The following KCNIP4 variants were observed in gnomAD, a reference collection of about 807,000 sequenced individuals.
KCNIP4 encodes the protein Kv channel-interacting protein 4.
A neutral mutation model predicts 34.0 loss-of-function variants in KCNIP4; 12 were observed. The observed-to-expected ratio is 0.35, with a 90% CI of 0.23 to 0.57. The LOEUF is 0.57. Among genes scored for constraint, KCNIP4 ranks in the 20% least tolerant of loss-of-function variants. The pLI, the probability that KCNIP4 is intolerant of heterozygous loss-of-function variation, is 0.83. For synonymous variants in KCNIP4, 124 were observed against 102.2 expected, an observed-to-expected ratio of 1.21 and a Z score of -1.29; for missense variants, 238 against 311.7, an observed-to-expected ratio of 0.76 and a Z score of 1.78.
intron 1 of KCNIP4, among the ~76,000 whole-genome samples, chr4:21,396,258 A>T (rs1169875060): frequency 6.6e-6 from 1 of 151,924 alleles, no homozygotes; most frequent in African/African-American, 2.4e-5. Flanking sequence ...TCCCCTTCTT[A>T]AAAATGAGGA....
At chr4:21,044,615 C>T (rs1472454223) in intron 1 of KCNIP4, among the ~76,000 whole-genome samples, 4 of 152,146 alleles carry the variant, frequency 2.6e-5, no homozygotes, top group Non-Finnish European at 4.4e-5. Context: ...CAGCCCGTTT[C>T]CCCTGTTGAA....
chr4:21,286,932 A>G (rs1402102082), intron 1 of KCNIP4, among the ~76,000 whole-genome samples: 1 of 152,140 alleles, frequency 6.6e-6, no homozygotes, highest in Non-Finnish European at 1.5e-5. Context: ...AGAGGAGGCT[A>G]CAAGGAGACA....
chr4:21,908,074 G>T (rs1728098058), intron 1 of KCNIP4, among the ~76,000 whole-genome samples: 1 of 151,986 alleles, frequency 6.6e-6, no homozygotes, highest in South Asian at 2.1e-4. Flanking sequence ...GTCTCTGCCT[G>T]TAATAAAAAA....
At chr4:20,805,615 A>G (rs1402496738) in intron 3 of KCNIP4, among the ~76,000 whole-genome samples, 1 of 152,164 alleles carries the variant, frequency 6.6e-6, no homozygotes, top group Non-Finnish European at 1.5e-5. Flanking sequence ...CATCTGGCTT[A>G]TTGGAGAAAT....
In KCNIP4 at chr4:21,076,607, C is replaced by T. The variant is rs192531246; in HGVS notation, c.62-193898G>A. Among the ~76,000 whole-genome samples the T allele has an allele frequency of 2.6e-3, 391 of 152,238 alleles. 1 individual carries two copies. Among genetic ancestry groups the T allele is most frequent in the African/African-American group, 9.1e-3 (379 of 41,542 alleles). On this transcript the variant is annotated intron_variant, in intron 1 of 8. Coordinates refer to ENST00000382152, the MANE Select transcript of KCNIP4 (RefSeq NM_025221.6). Reference sequence around the variant, plus strand: ...CTTTCCTAGGTTCATTGTAACTCTTCAGTTCTATGACATTAAAGTACAGAG... The same window carrying T: ...CTTTCCTAGGTTCATTGTAACTCTTTAGTTCTATGACATTAAAGTACAGAG...
intron 3 of KCNIP4, chr4:20,850,250 T>C: frequency 5.0e-6 from 1 of 201,648 alleles, no homozygotes; most frequent in Admixed American, 5.6e-5. Context: ...GGAAGTTTAA[T>C]GAAATTATGT....
At chr4:21,354,961 G>A (rs1012902788) in intron 1 of KCNIP4, among the ~76,000 whole-genome samples, 1 of 152,208 alleles carries the variant, frequency 6.6e-6, no homozygotes, top group Non-Finnish European at 1.5e-5. Flanking sequence ...TCAGATTACA[G>A]TGCAATCAAA....
At chr4:21,929,127 A>T (rs1382031696) in intron 1 of KCNIP4, among the ~76,000 whole-genome samples, 1 of 152,164 alleles carries the variant, frequency 6.6e-6, no homozygotes, top group Non-Finnish European at 1.5e-5. Context: ...GTTTAAAAAC[A>T]TACACATAAA....
At chr4:21,277,007 T>A (rs1279671003) in intron 1 of KCNIP4, among the ~76,000 whole-genome samples, 1 of 152,186 alleles carries the variant, frequency 6.6e-6, no homozygotes, top group Non-Finnish European at 1.5e-5. Context: ...CTAAGCACGG[T>A]GTGAAGTCAA....
At chr4:21,528,550 C>G (rs1030970847) in intron 1 of KCNIP4, among the ~76,000 whole-genome samples, 4 of 151,330 alleles carry the variant, frequency 2.6e-5, no homozygotes, top group African/African-American at 9.7e-5. Flanking sequence ...GCCTATAGTC[C>G]CAGCTACTCA....
intron 1 of KCNIP4, among the ~76,000 whole-genome samples, chr4:21,770,624 A>C (rs923408843): frequency 6.6e-6 from 1 of 151,998 alleles, no homozygotes; most frequent in Non-Finnish European, 1.5e-5. Context: ...TCGTTTCCTG[A>C]CTTTTTAATT....
intron 1 of KCNIP4, among the ~76,000 whole-genome samples, chr4:21,234,493 AATATATATT>A (rs1759188280): frequency 2.4e-5 from 3 of 125,328 alleles, no homozygotes; most frequent in African/African-American, 1.1e-4. Flanking sequence ...TAACGTATAT[AATATATATT>A]ACATATAACG....
intron 1 of KCNIP4, among the ~76,000 whole-genome samples, chr4:21,519,757 A>ATGTGTATATATACACACGTGTG (rs1560481181): frequency 4.8e-5 from 6 of 123,990 alleles, no homozygotes; most frequent in African/African-American, 1.9e-4. Context: ...ACGTGTGTGT[A>ATGTGTATATATACACACGTGTG]TGTATGTGTG....
intron 1 of KCNIP4, among the ~76,000 whole-genome samples, chr4:21,886,560 G>T (rs114645360): frequency 1.1e-4 from 16 of 152,198 alleles, no homozygotes; most frequent in African/African-American, 3.1e-4. Context: ...GTTCCCACAG[G>T]GGGTGAGAGA....
At chr4:21,657,399 A>T (rs1748050081) in intron 1 of KCNIP4, among the ~76,000 whole-genome samples, 1 of 152,150 alleles carries the variant, frequency 6.6e-6, no homozygotes, top group Admixed American at 6.5e-5. Flanking sequence ...TTGTGACTGA[A>T]TCCAGGCAAG....
intron 1 of KCNIP4, among the ~76,000 whole-genome samples, chr4:21,359,091 A>AT (rs71189692): frequency 0.037 from 5,559 of 152,138 alleles, 241 homozygotes; most frequent in East Asian, 0.2. Context: ...CCTGTCTTAG[A>AT]TTTTGGGGTT....
At chr4:21,618,782 G>A (rs538032054) in intron 1 of KCNIP4, among the ~76,000 whole-genome samples, 1 of 151,206 alleles carries the variant, frequency 6.6e-6, no homozygotes, top group East Asian at 2.0e-4. Context: ...ACAGGTGCCC[G>A]CCACCACGCC....
chr4:21,780,078 T>C (rs543728032), intron 1 of KCNIP4, among the ~76,000 whole-genome samples: 2 of 152,100 alleles, frequency 1.3e-5, no homozygotes, highest in African/African-American at 2.4e-5. Context: ...CAGATGAAGA[T>C]AGTGGATGAA....
chr4:21,772,790 C>A (rs1471091445), intron 1 of KCNIP4, among the ~76,000 whole-genome samples: 2 of 151,856 alleles, frequency 1.3e-5, no homozygotes, highest in African/African-American at 2.4e-5. Flanking sequence ...TTTTTTATTG[C>A]ATCTATTTTA....
Sources: allele counts gnomAD v4.1 joint callset (sites outside exome capture counted in the v4.1 genomes callset), GRCh38; gene constraint gnomAD v4.1.1; transcripts MANE v1.5; gene names NCBI Gene and HGNC (gene_info 2026-07-23, HGNC 2026-07-21).